PCCB: variants seen among roughly 807,000 people sequenced by gnomAD.
PCCB encodes propionyl-CoA carboxylase beta chain, mitochondrial.
Under a neutral mutation model 60.7 loss-of-function variants are expected in PCCB, and 43 were observed. The observed-to-expected ratio is 0.71, with a 90% CI of 0.55 to 0.91. The LOEUF is 0.91. Among genes scored for constraint, PCCB ranks in the 40% least tolerant of loss-of-function variants. The pLI is 0.00. For synonymous variants in PCCB, 276 were observed against 255.9 expected (o/e 1.08, Z -0.75); for missense variants, 766 against 702.8 (o/e 1.09, Z -1.02).
intron 6 of PCCB, among the ~76,000 whole-genome samples, chr3:136,290,022 TTGTACATAATTGAATG>T (rs1376213671): frequency 5.9e-5 from 9 of 152,218 alleles, no homozygotes; most frequent in African/African-American, 2.2e-4. Flanking sequence ...CATAATTCAA[TTGTACATAATTGAATG>T]TGTACATAAT....
intron 2 of PCCB, 128 bp from the exon 3 acceptor site, chr3:136,256,427 G>C: frequency 2.7e-6 from 2 of 727,660 alleles, no homozygotes; most frequent in Non-Finnish European, 5.0e-6. Context: ...ATTCCTTCAT[G>C]TTCCTTGTTC....
At chr3:136,281,469 C>T (rs953434205) in intron 5 of PCCB, among the ~76,000 whole-genome samples, 3 of 151,766 alleles carry the variant, frequency 2.0e-5, no homozygotes, top group South Asian at 2.1e-4. Flanking sequence ...TTCATAATTT[C>T]TGTCTCTTTG....
At chr3:136,307,639 AAG>A (rs1553780986) in intron 9 of PCCB, among the ~76,000 whole-genome samples, 1 of 152,046 alleles carries the variant, frequency 6.6e-6, no homozygotes, top group African/African-American at 2.4e-5. Flanking sequence ...AATAAAAAAA[AAG>A]GTAAAAGACA....
chr3:136,252,189 C>T (rs1464543683), intron 1 of PCCB: 2 of 438,558 alleles, frequency 4.6e-6, no homozygotes, highest in Non-Finnish European at 9.2e-6. Flanking sequence ...GCCCTGCACC[C>T]CTTTTAAAAC....
At chr3:136,313,713 G>A (rs1392081042) in intron 9 of PCCB, among the ~76,000 whole-genome samples, 2 of 152,132 alleles carry the variant, frequency 1.3e-5, no homozygotes, top group East Asian at 1.9e-4. Flanking sequence ...TTAAATGAGT[G>A]TCTTTTGAAC....
At chr3:136,271,177 G>C (rs1487810058) in intron 5 of PCCB, among the ~76,000 whole-genome samples, 7 of 152,124 alleles carry the variant, frequency 4.6e-5, no homozygotes, top group Admixed American at 2.0e-4. Flanking sequence ...TGGGGTCTTA[G>C]TCATGGATTT....
intron 6 of PCCB, among the ~76,000 whole-genome samples, chr3:136,286,967 G>C (rs1429799211): frequency 6.6e-6 from 1 of 151,602 alleles, no homozygotes; most frequent in Non-Finnish European, 1.5e-5. Context: ...AGAGGCGGAG[G>C]TTGCAGTGAA....
rs1043137204 is a variant in PCCB at position 136,255,493 on chromosome 3, C to T, written c.184-363C>T. ...TCACTAAGCCTGCTTTAGTTTCCACCACCTGCTTCTGCATTCTTTTTATGG... is the reference window on the plus strand; with the variant it reads ...TCACTAAGCCTGCTTTAGTTTCCACTACCTGCTTCTGCATTCTTTTTATGG... On this transcript the variant is annotated intron_variant, in intron 1 of 14. Transcript: ENST00000251654. 15 of 311,440 alleles carry T rather than the reference C, an allele frequency of 4.8e-5. 1 individual carries two copies. Among genetic ancestry groups the T allele is most frequent in the South Asian group, 5.9e-5 (2 of 33,684 alleles). The allele number at this position is 311,440 out of a possible 1,614,324, so 19.3% of individuals were successfully genotyped here.
At chr3:136,313,107 A>C (rs1017366382) in intron 9 of PCCB, among the ~76,000 whole-genome samples, 1 of 152,208 alleles carries the variant, frequency 6.6e-6, no homozygotes, top group African/African-American at 2.4e-5. Context: ...TTGGAAAGTC[A>C]GTGGAGAAGC....
At chr3:136,267,074 A>G (rs979947002) in intron 5 of PCCB, among the ~76,000 whole-genome samples, 7 of 152,028 alleles carry the variant, frequency 4.6e-5, no homozygotes, top group Non-Finnish European at 1.0e-4. Flanking sequence ...TAGTAGAGAT[A>G]GGGTTTCACC....
intron 6 of PCCB, among the ~76,000 whole-genome samples, chr3:136,291,629 C>T (rs1047287097): frequency 6.6e-6 from 1 of 152,174 alleles, no homozygotes; most frequent in African/African-American, 2.4e-5. Flanking sequence ...CATTTCCCCT[C>T]TTCCACATGG....
intron 5 of PCCB, among the ~76,000 whole-genome samples, chr3:136,264,739 G>T (rs1171083569): frequency 6.6e-6 from 1 of 151,632 alleles, no homozygotes; most frequent in African/African-American, 2.4e-5. Context: ...GCCAGGTGTG[G>T]TGGCGGGCGC....
chr3:136,307,764 T>C (rs925253518), intron 9 of PCCB, among the ~76,000 whole-genome samples: 1 of 151,596 alleles, frequency 6.6e-6, no homozygotes. Context: ...TCACCTGAGG[T>C]TGGAAGTTTG....
At chr3:136,319,356 C>T (rs35522825) in intron 10 of PCCB, among the ~76,000 whole-genome samples, 13,659 of 150,696 alleles carry the variant, frequency 0.091, 850 homozygotes, top group Non-Finnish European at 0.13. Context: ...GTTGTCCTTG[C>T]ACTCTTTTGA....
chr3:136,301,905 A>G (rs1296912740), intron 9 of PCCB, among the ~76,000 whole-genome samples: 6 of 152,114 alleles, frequency 3.9e-5, no homozygotes, highest in Admixed American at 3.9e-4. Context: ...TTCCCTGCAT[A>G]TGCAGTTGTT....
chr3:136,265,144 GATC>G (rs1941952367), intron 5 of PCCB, among the ~76,000 whole-genome samples: 1 of 152,202 alleles, frequency 6.6e-6, no homozygotes. Context: ...AGTGAACTGA[GATC>G]ATGCCACTGC....
intron 10 of PCCB, among the ~76,000 whole-genome samples, chr3:136,320,136 T>C (rs1935059502): frequency 1.3e-5 from 2 of 152,236 alleles, no homozygotes; most frequent in South Asian, 2.1e-4. Flanking sequence ...GAAGTGTGTC[T>C]TCCAACTTTA....
chr3:136,265,853 T>C (rs1941968500), intron 5 of PCCB, among the ~76,000 whole-genome samples: 1 of 149,862 alleles, frequency 6.7e-6, no homozygotes, highest in Non-Finnish European at 1.5e-5. Flanking sequence ...TGAGACAGAG[T>C]CTTGCCCTGT....
intron 6 of PCCB, among the ~76,000 whole-genome samples, chr3:136,285,408 T>G (rs1576327874): frequency 1.3e-5 from 2 of 152,248 alleles, no homozygotes; most frequent in African/African-American, 4.8e-5. Context: ...CCATCAAAAC[T>G]TAATCACACT....
Sources: gnomAD v4.1 joint callset for allele counts (sites outside exome capture counted in the v4.1 genomes callset) on GRCh38, gnomAD v4.1.1 for gene constraint, MANE v1.5 for transcripts, NCBI Gene and HGNC (gene_info 2026-07-23, HGNC 2026-07-21) for gene names.